NUP62CL: variants seen among roughly 807,000 people sequenced by gnomAD.
NUP62CL encodes the protein nucleoporin-62 C-terminal-like protein.
In NUP62CL, 13 loss-of-function variants were observed where a neutral mutation model predicts 15.3. That is an observed-to-expected ratio of 0.85 (90% confidence interval 0.55 to 1.35). NUP62CL has a LOEUF of 1.35. Ranked by LOEUF, NUP62CL falls within the 40% of genes most tolerant of loss-of-function variation. The pLI is 0.00. For missense variants in NUP62CL, 123 were observed against 130.6 expected, an observed-to-expected ratio of 0.94 and a Z score of 0.28; for synonymous variants, 54 against 49.2, an observed-to-expected ratio of 1.10 and a Z score of -0.41.
intron 8 of NUP62CL, among the ~76,000 whole-genome samples, chrX:107,147,497 T>C (rs1241449425): frequency 1.8e-5 from 2 of 111,603 alleles, no homozygotes; most frequent in African/African-American, 3.2e-5. Context: ...CTTGCTTCTA[T>C]CCCAATTCTA....
intron 4 of NUP62CL, among the ~76,000 whole-genome samples, chrX:107,157,600 G>A (rs1189469575): frequency 9.2e-6 from 1 of 108,148 alleles, no homozygotes; most frequent in Non-Finnish European, 1.9e-5. Flanking sequence ...TCACCACCAG[G>A]CCTGCCCTAA....
intron 1 of NUP62CL, among the ~76,000 whole-genome samples, chrX:107,197,017 A>G (rs1569367245): frequency 1.8e-5 from 2 of 111,770 alleles, no homozygotes; most frequent in Admixed American, 9.5e-5. Context: ...TAGCCGAAAT[A>G]TTTTAAATCC....
rs774032680 is a variant in NUP62CL at position 107,164,871 on chromosome X, C to A, written c.194+2778G>T. On this transcript the variant is annotated intron_variant, in intron 4 of 8. Coordinates refer to ENST00000372466, the MANE Select transcript of NUP62CL (RefSeq NM_017681.3). ...ATCCCAGCACTTTGGGAGGCCCAGA[C>A]GGGAGGATCACGAAGTCAGGAGTTC... is the stretch of plus-strand genomic sequence containing the variant. Among the ~76,000 whole-genome samples the A allele has an allele frequency of 3.1e-3, 354 of 112,692 alleles. 1 individual carries two copies. The highest frequency in any genetic ancestry group is 2.9e-3 in the Non-Finnish European group (154 of 53,309).
chrX:107,197,174 G>A (rs1469868455), intron 1 of NUP62CL, among the ~76,000 whole-genome samples: 1 of 111,542 alleles, frequency 9.0e-6, no homozygotes, highest in Non-Finnish European at 1.9e-5. Context: ...GGATTGATGA[G>A]ATTTTCTTTA....
At chrX:107,124,868 A>G (rs1925352154) in intron 8 of NUP62CL, among the ~76,000 whole-genome samples, 1 of 111,795 alleles carries the variant, frequency 8.9e-6, no homozygotes, top group Non-Finnish European at 1.9e-5. Context: ...AGTAAGCATG[A>G]TACTCTGAGT....
intron 4 of NUP62CL, among the ~76,000 whole-genome samples, chrX:107,161,604 G>A: frequency 1.2e-4 from 1 of 8,138 alleles, no homozygotes; most frequent in Non-Finnish European, 1.8e-4. Flanking sequence ...GACACAGGAA[G>A]GGGAATATCA....
intron 4 of NUP62CL, among the ~76,000 whole-genome samples, chrX:107,161,867 A>G (rs1926392883): frequency 9.3e-6 from 1 of 107,526 alleles, no homozygotes. Flanking sequence ...AACCGAGAAA[A>G]CCCACAACTT....
intron 2 of NUP62CL, among the ~76,000 whole-genome samples, chrX:107,190,289 G>A (rs1927207755): frequency 8.9e-6 from 1 of 111,852 alleles, no homozygotes; most frequent in Non-Finnish European, 1.9e-5. Context: ...CTAAAGATAT[G>A]CTTTCTTGTT....
rs971391149 is a variant in NUP62CL, at chrX:107,175,088, C to T, written c.58+1G>A. Reference sequence around the variant, plus strand: ...TATTTTCTTTAGAATTAGTAACTTACATGAGAGCCCAATAGCAGCAGTGGA... The same window carrying T: ...TATTTTCTTTAGAATTAGTAACTTATATGAGAGCCCAATAGCAGCAGTGGA... On this transcript the variant is annotated splice_donor_variant, in intron 3 of 8. Transcript: ENST00000372466. LOFTEE classifies it high-confidence loss of function. The T allele has an allele frequency of 3.0e-5, 36 of 1,191,711 alleles. No individual in the cohort carries two copies. The highest frequency in any genetic ancestry group is 1.1e-4 in the African/African-American group (6 of 56,697).
intron 8 of NUP62CL, among the ~76,000 whole-genome samples, chrX:107,135,993 T>C (rs1329982465): frequency 9.2e-6 from 1 of 108,847 alleles, no homozygotes. Flanking sequence ...GAAGGAGAGT[T>C]TGCAAATCAA....
chrX:107,153,284 T>C lies in NUP62CL; in HGVS notation c.418A>G (p.Ile140Val). 4 of 1,205,804 alleles carry C rather than the reference T, an allele frequency of 3.3e-6. No homozygotes were observed. The highest frequency in any genetic ancestry group is 4.5e-6 in the Non-Finnish European group (4 of 892,313). Reference sequence around the variant, plus strand: ...TCTAGTTCCTGCTGCTGTGACAGGATAAAATCCAATTCTTGTTCCAATCTG... The same window carrying C: ...TCTAGTTCCTGCTGCTGTGACAGGACAAAATCCAATTCTTGTTCCAATCTG... ...QKRLEQELDF[I>V]LSQQQELEFL... Residue 140 changes from isoleucine (I) to valine (V), a missense_variant, in exon 7 of 9, where the codon ATC (isoleucine) becomes GTC (valine). Transcript: ENST00000372466.
chrX:107,168,503 T>G (rs1926567958), intron 3 of NUP62CL, among the ~76,000 whole-genome samples: 1 of 111,820 alleles, frequency 8.9e-6, no homozygotes, highest in African/African-American at 3.2e-5. Flanking sequence ...ATGGCTTGAC[T>G]CAAATTCTTT....
chrX:107,142,019 C>A (rs1422170909), intron 8 of NUP62CL, among the ~76,000 whole-genome samples: 1 of 109,696 alleles, frequency 9.1e-6, no homozygotes, highest in Non-Finnish European at 1.9e-5. Context: ...CACTGCACTC[C>A]AGCCTGGGTG....
intron 2 of NUP62CL, among the ~76,000 whole-genome samples, chrX:107,183,460 A>G (rs1021846917): frequency 2.7e-5 from 3 of 110,755 alleles, no homozygotes; most frequent in Non-Finnish European, 5.7e-5. Flanking sequence ...AAAAAGTAAA[A>G]TAAGATAAAA....
At chrX:107,171,940 T>C (rs1266820962) in intron 3 of NUP62CL, among the ~76,000 whole-genome samples, 3 of 109,849 alleles carry the variant, frequency 2.7e-5, no homozygotes, top group African/African-American at 1.0e-4. Context: ...TAACTTGTAA[T>C]GTTCTTATGA....
At chrX:107,171,492 T>G (rs1480807150) in intron 3 of NUP62CL, among the ~76,000 whole-genome samples, 1 of 111,653 alleles carries the variant, frequency 9.0e-6, no homozygotes, top group African/African-American at 3.3e-5. Flanking sequence ...AAAAAGTGAA[T>G]GAGGAGCAAA....
chrX:107,150,881 T>C, intron 7 of NUP62CL: 1 of 342,535 alleles, frequency 2.9e-6, no homozygotes, highest in Non-Finnish European at 5.9e-6. Context: ...AGAAGAACTT[T>C]CAAATGTATT....
At chrX:107,185,722 T>C (rs1007374748) in intron 2 of NUP62CL, among the ~76,000 whole-genome samples, 1 of 111,781 alleles carries the variant, frequency 8.9e-6, no homozygotes, top group African/African-American at 3.3e-5. Flanking sequence ...ACTTAAGCCC[T>C]AATACAGCAA....
intron 3 of NUP62CL, among the ~76,000 whole-genome samples, chrX:107,170,967 G>A (rs903992655): frequency 9.0e-6 from 1 of 111,628 alleles, no homozygotes; most frequent in Non-Finnish European, 1.9e-5. Context: ...CACTAAATTT[G>A]AACTCACATT....
Sources: allele counts gnomAD v4.1 joint callset (sites outside exome capture counted in the v4.1 genomes callset), GRCh38; gene constraint gnomAD v4.1.1; transcripts MANE v1.5; gene names NCBI Gene and HGNC (gene_info 2026-07-23, HGNC 2026-07-21).